The following SORCS1 variants were observed in gnomAD, a reference collection of about 807,000 sequenced individuals.
SORCS1 encodes VPS10 domain-containing receptor SorCS1.
In SORCS1, 60 loss-of-function variants were observed where a neutral mutation model predicts 146.1. That is an observed-to-expected ratio of 0.41 (90% CI 0.33 to 0.51). SORCS1 has a LOEUF of 0.51. Ranked by LOEUF, SORCS1 falls within the 20% of genes least tolerant of loss-of-function variation. The pLI is 0.21. For synonymous variants in SORCS1, 637 were observed against 584.0 expected (o/e 1.09, Z -1.31); for missense variants, 1,352 against 1,487.6 (o/e 0.91, Z 1.50).
intron 21 of SORCS1, among the ~76,000 whole-genome samples, chr10:106,617,794 TA>T (rs10577215): frequency 2.8e-4 from 43 of 151,630 alleles, no homozygotes; most frequent in Non-Finnish European, 4.4e-4. Flanking sequence ...AAGTTGAACT[TA>T]AAAAAAAGAG....
intron 6 of SORCS1, among the ~76,000 whole-genome samples, chr10:106,729,758 A>C (rs1001987300): frequency 2.8e-4 from 42 of 152,060 alleles, no homozygotes; most frequent in African/African-American, 9.9e-4. Flanking sequence ...AATTATTAAG[A>C]CTATTTTGTA....
At chr10:106,586,004 C>T (rs530209442) in intron 24 of SORCS1, among the ~76,000 whole-genome samples, 130 of 152,298 alleles carry the variant, frequency 8.5e-4, no homozygotes, top group African/African-American at 2.5e-3. Context: ...TAAGACTAGA[C>T]GCATAAGCAA....
At chr10:106,765,859 C>T (rs1432708127) in intron 4 of SORCS1, among the ~76,000 whole-genome samples, 1 of 151,976 alleles carries the variant, frequency 6.6e-6, no homozygotes, top group African/African-American at 2.4e-5. Flanking sequence ...ATTCCTAAAT[C>T]GGATCAACGT....
rs138573873 is a variant in SORCS1 at position 106,731,242 on chromosome 10, G to A, written c.960-1128C>T. ...CGGGAGGTAGAGCTTGCAGTGAGCCGAGATCGCACCACTGCACTCCAGCCT... is the reference window on the plus strand; with the variant it reads ...CGGGAGGTAGAGCTTGCAGTGAGCCAAGATCGCACCACTGCACTCCAGCCT... On this transcript the variant is annotated intron_variant, in intron 5 of 25. Transcript: ENST00000263054. 8.0e-4 allele frequency among the ~76,000 whole-genome samples: 111 copies of A among 139,286 alleles called. 1 individual carries two copies. In the East Asian group the frequency reaches 0.022, roughly 27 times the overall value. 91.4% of individuals were successfully genotyped at this position (139,286 alleles called of 152,430 possible).
At chr10:106,597,696 A>G (rs1051520302) in intron 23 of SORCS1, among the ~76,000 whole-genome samples, 1 of 152,186 alleles carries the variant, frequency 6.6e-6, no homozygotes, top group African/African-American at 2.4e-5. Context: ...AAATAATTAT[A>G]CTCTTTAAAA....
chr10:106,582,455 G>C (rs140615181), intron 24 of SORCS1, among the ~76,000 whole-genome samples: 6 of 152,176 alleles, frequency 3.9e-5, no homozygotes. Context: ...CCTCTGTTCC[G>C]TGGGTGGTGT....
intron 1 of SORCS1, among the ~76,000 whole-genome samples, chr10:107,131,825 AG>A (rs1263955701): frequency 2.0e-5 from 3 of 152,220 alleles, no homozygotes; most frequent in Non-Finnish European, 4.4e-5. Context: ...TCTGTGACTG[AG>A]TTATCGTCAA....
At chr10:107,036,406 G>A (rs1958907572) in intron 1 of SORCS1, among the ~76,000 whole-genome samples, 1 of 152,124 alleles carries the variant, frequency 6.6e-6, no homozygotes, top group East Asian at 1.9e-4. Context: ...TGGATACTGA[G>A]GGACAATTGC....
chr10:107,089,119 C>T (rs1032425120), intron 1 of SORCS1, among the ~76,000 whole-genome samples: 1 of 152,160 alleles, frequency 6.6e-6, no homozygotes, highest in Non-Finnish European at 1.5e-5. Flanking sequence ...CATAATCACC[C>T]AAAGCCAAAT....
intron 23 of SORCS1, among the ~76,000 whole-genome samples, chr10:106,605,434 A>C (rs1846509812): frequency 6.6e-6 from 1 of 152,216 alleles, no homozygotes; most frequent in Non-Finnish European, 1.5e-5. Flanking sequence ...CTAGGAAAAA[A>C]AGGTGACTCT....
chr10:106,639,463 A>ATATGTGGAT (rs1237824455), intron 18 of SORCS1, among the ~76,000 whole-genome samples: 1 of 152,222 alleles, frequency 6.6e-6, no homozygotes, highest in African/African-American at 2.4e-5. Context: ...ATATTCCAAT[A>ATATGTGGAT]TATGTGGATT....
intron 19 of SORCS1, among the ~76,000 whole-genome samples, chr10:106,623,148 G>A (rs1167052506): frequency 1.3e-5 from 2 of 151,464 alleles, no homozygotes; most frequent in African/African-American, 4.9e-5. Flanking sequence ...CTCAATCTGC[G>A]TTAAATGAAT....
At chr10:106,879,222 T>A (rs1488554663) in intron 2 of SORCS1, among the ~76,000 whole-genome samples, 1 of 151,760 alleles carries the variant, frequency 6.6e-6, no homozygotes, top group African/African-American at 2.4e-5. Flanking sequence ...GAAAGTCACA[T>A]AACTGATGAC....
Position 106,882,691 on chromosome 10 carries a change from T to C in SORCS1, c.627-53018A>G, listed in dbSNP as rs558033973. Among the ~76,000 whole-genome samples the C allele has an allele frequency of 1.2e-4, 19 of 152,184 alleles. No individual in the cohort carries two copies. In the South Asian group the frequency reaches 3.5e-3, roughly 28 times the overall value. ...CTCACACACACACATACACACACAATCTATTTGTGTGGAGGCGGGGACAAA... is the reference window on the plus strand; with the variant it reads ...CTCACACACACACATACACACACAACCTATTTGTGTGGAGGCGGGGACAAA... On this transcript the variant is annotated intron_variant, in intron 2 of 25. Transcript: ENST00000263054.
chr10:106,741,882 T>A (rs1289080193), intron 5 of SORCS1, among the ~76,000 whole-genome samples: 1 of 152,168 alleles, frequency 6.6e-6, no homozygotes, highest in Non-Finnish European at 1.5e-5. Flanking sequence ...CAGTGTCAGT[T>A]TTTACACGGA....
chr10:106,699,087 T>C (rs1224176860), intron 9 of SORCS1, 127 bp downstream of exon 9: 2 of 751,954 alleles, frequency 2.7e-6, no homozygotes, highest in Non-Finnish European at 2.0e-6. Flanking sequence ...AATCTTTCCA[T>C]CTCCCAAGAG....
At chr10:107,024,337 G>C (rs553959995) in intron 1 of SORCS1, among the ~76,000 whole-genome samples, 48 of 152,104 alleles carry the variant, frequency 3.2e-4, no homozygotes, top group Non-Finnish European at 5.3e-4. Context: ...CATGGCAAGA[G>C]AGGGGGTGAG....
chr10:106,617,274 C>T (rs1255203484), intron 21 of SORCS1, among the ~76,000 whole-genome samples: 1 of 151,954 alleles, frequency 6.6e-6, no homozygotes, highest in Non-Finnish European at 1.5e-5. Flanking sequence ...CTTTCTCATC[C>T]TCCTTCCTTC....
At chr10:107,012,149 T>A (rs1033348373) in intron 1 of SORCS1, among the ~76,000 whole-genome samples, 2 of 152,202 alleles carry the variant, frequency 1.3e-5, no homozygotes, top group Non-Finnish European at 2.9e-5. Context: ...AACAGGGACA[T>A]TTTTGCTTAG....
Sources: gnomAD v4.1 joint callset for allele counts (sites outside exome capture counted in the v4.1 genomes callset) on GRCh38, gnomAD v4.1.1 for gene constraint, MANE v1.5 for transcripts, NCBI Gene and HGNC (gene_info 2026-07-23, HGNC 2026-07-21) for gene names.